Variants in EXOC4 observed in about 807,000 individuals in gnomAD.
The protein encoded by EXOC4 is SEC8-like 1.
EXOC4 carries 71 observed loss-of-function variants against 107.2 expected under a neutral mutation model. The observed-to-expected ratio is 0.66, with a 90% CI of 0.55 to 0.81. EXOC4 has a LOEUF of 0.81. Among genes scored for constraint, EXOC4 ranks in the 30% least tolerant of loss-of-function variants. EXOC4 has a pLI of 0.00. For synonymous variants in EXOC4, 456 were observed against 441.2 expected (o/e 1.03, Z -0.42); for missense variants, 1,108 against 1,189.6 (o/e 0.93, Z 1.01).
At chr7:133,518,415 G>C (rs1454818842) in intron 9 of EXOC4, among the ~76,000 whole-genome samples, 1 of 148,596 alleles carries the variant, frequency 6.7e-6, no homozygotes, top group Non-Finnish European at 1.5e-5. Flanking sequence ...TTCATTCATG[G>C]CCTCTCCTAT....
intron 12 of EXOC4, among the ~76,000 whole-genome samples, chr7:133,916,915 C>A (rs1012805701): frequency 9.2e-5 from 14 of 152,182 alleles, no homozygotes; most frequent in African/African-American, 3.1e-4. Context: ...GATGAATTTA[C>A]AGGTAACATT....
intron 10 of EXOC4, among the ~76,000 whole-genome samples, chr7:133,762,981 A>G (rs1451371751): frequency 1.3e-5 from 2 of 152,160 alleles, no homozygotes; most frequent in East Asian, 1.9e-4. Context: ...CAAGTGTTGT[A>G]TACCGATTTA....
the EXOC4 span, among the ~76,000 whole-genome samples, chr7:134,094,787 A>T: frequency 6.6e-6 from 1 of 152,094 alleles, no homozygotes; most frequent in Admixed American, 6.5e-5. Context: ...TCCAACATCG[A>T]TTCATAATAA....
intron 17 of EXOC4, among the ~76,000 whole-genome samples, chr7:134,024,891 A>G (rs972112185): frequency 1.3e-5 from 2 of 152,214 alleles, no homozygotes; most frequent in Non-Finnish European, 2.9e-5. Context: ...TATGGCCAAC[A>G]TCCACTTCTG....
At chr7:133,772,747 A>G (rs981666695) in intron 10 of EXOC4, among the ~76,000 whole-genome samples, 1 of 152,036 alleles carries the variant, frequency 6.6e-6, no homozygotes, top group Non-Finnish European at 1.5e-5. Flanking sequence ...GCAAACAAGG[A>G]CATTTGAGTC....
chr7:133,844,378 C>CTTTTTTTTTTTTTTTTTTTTTTTTT (rs761535651), intron 11 of EXOC4, among the ~76,000 whole-genome samples: 2 of 83,392 alleles, frequency 2.4e-5, no homozygotes, highest in African/African-American at 1.2e-4. Flanking sequence ...CCACATATTC[C>CTTTTTTTTTTTTTTTTTTTTTTTTT]TTTTTTTTTT....
At chr7:133,943,962 G>T (rs1442733465) in intron 14 of EXOC4, among the ~76,000 whole-genome samples, 1 of 151,980 alleles carries the variant, frequency 6.6e-6, no homozygotes, top group South Asian at 2.1e-4. Context: ...CCATGGTGGG[G>T]GTCCTGGGAT....
intron 2 of EXOC4, among the ~76,000 whole-genome samples, chr7:133,277,064 C>T (rs529319151): frequency 6.6e-6 from 1 of 151,922 alleles, no homozygotes; most frequent in Non-Finnish European, 1.5e-5. Flanking sequence ...CGGGTTCAAG[C>T]GATTCTCCTG....
At chr7:133,272,867 G>A (rs1793905174) in intron 1 of EXOC4, among the ~76,000 whole-genome samples, 1 of 152,196 alleles carries the variant, frequency 6.6e-6, no homozygotes, top group East Asian at 1.9e-4. Context: ...AACAGTGACA[G>A]CTGATGCCAG....
intron 13 of EXOC4, among the ~76,000 whole-genome samples, chr7:133,935,116 A>G (rs1291204518): frequency 1.3e-5 from 2 of 151,978 alleles, no homozygotes; most frequent in African/African-American, 4.8e-5. Context: ...TGATGGCATC[A>G]GTGCACCATT....
At chr7:133,515,730 A>G (rs1315348021) in intron 9 of EXOC4, among the ~76,000 whole-genome samples, 1 of 152,100 alleles carries the variant, frequency 6.6e-6, no homozygotes, top group African/African-American at 2.4e-5. Context: ...TGGCCTCCCA[A>G]AGTGCTGGGA....
At chr7:133,576,925 T>G (rs1479509461) in intron 9 of EXOC4, 8 of 1,212,360 alleles carry the variant, frequency 6.6e-6, no homozygotes, top group South Asian at 1.3e-5. Context: ...TCCAGATCTC[T>G]TATTCACTGC....
At chr7:133,533,924 G>A (rs1252939924) in intron 9 of EXOC4, among the ~76,000 whole-genome samples, 1 of 152,074 alleles carries the variant, frequency 6.6e-6, no homozygotes, top group African/African-American at 2.4e-5. Context: ...AGGAAGGGAA[G>A]GAAGATGAGG....
chr7:133,595,292 G>A (rs1468936743), intron 9 of EXOC4, among the ~76,000 whole-genome samples: 2 of 152,194 alleles, frequency 1.3e-5, no homozygotes, highest in Non-Finnish European at 2.9e-5. Flanking sequence ...ACTCCCAGAA[G>A]TAGTGAACAA....
At chr7:133,858,766 C>T (rs1169195902) in intron 11 of EXOC4, among the ~76,000 whole-genome samples, 2 of 152,124 alleles carry the variant, frequency 1.3e-5, no homozygotes, top group African/African-American at 4.8e-5. Flanking sequence ...TACCCCATGG[C>T]GGTTAATCCA....
chr7:133,643,040 AT>A (rs1271253819), intron 10 of EXOC4, among the ~76,000 whole-genome samples: 16 of 152,280 alleles, frequency 1.1e-4, no homozygotes, highest in East Asian at 1.9e-4. Flanking sequence ...TTAAAAAATT[AT>A]TGTGATTTTG....
rs573604868 is a variant in EXOC4 at position 133,528,828 on chromosome 7, G to GT, written c.1417+48697dup. 1.5e-3 allele frequency among the ~76,000 whole-genome samples: 231 copies of GT among 152,144 alleles called. 1 individual carries two copies. The highest frequency in any genetic ancestry group is 5.3e-3 in the African/African-American group (220 of 41,504). On this transcript the variant is annotated intron_variant, in intron 9 of 17. Transcript: ENST00000253861. ...GAAGAAAGATCCTGAATGTGCAAGG[G>GT]TTTTTTTCTTCTTCTTAAATCTCTG...
Position 133,817,336 on chromosome 7 carries a change from A to C in EXOC4, c.1526A>C (p.Glu509Ala). ...IFHPLLRFIQ[E>A]IEHALGLGPA... ...TGTTTGTCCTCCAGATTTATTCAGG[A>C]GATTGAGCATGCTCTGGGTCTTGGC... is the stretch of plus-strand genomic sequence containing the variant. The change falls in exon 11 of 18, where the codon GAG (glutamate) becomes GCG (alanine). Residue 509 changes from glutamate to alanine, a missense_variant. By Grantham distance (107) the Glu-to-Ala change is moderately radical. Coordinates refer to ENST00000253861, the MANE Select transcript of EXOC4 (RefSeq NM_021807.4). 5 of 1,612,786 alleles carry C rather than the reference A, an allele frequency of 3.1e-6. No individual in the cohort carries two copies. Among genetic ancestry groups the C allele is most frequent in the Non-Finnish European group, 4.2e-6 (5 of 1,178,894 alleles).
At chr7:133,662,434 T>C (rs897996628) in intron 10 of EXOC4, among the ~76,000 whole-genome samples, 2 of 152,092 alleles carry the variant, frequency 1.3e-5, no homozygotes, top group Non-Finnish European at 2.9e-5. Flanking sequence ...TTATCAGATA[T>C]AGAGATTATG....
Sources: gnomAD v4.1 joint callset for allele counts (sites outside exome capture counted in the v4.1 genomes callset) on GRCh38, gnomAD v4.1.1 for gene constraint, MANE v1.5 for transcripts, NCBI Gene and HGNC (gene_info 2026-07-23, HGNC 2026-07-21) for gene names.